The following RBM47 variants were observed in gnomAD, a reference collection of about 807,000 sequenced individuals.
RBM47 encodes the protein RNA-binding protein 47.
A neutral mutation model predicts 47.1 loss-of-function variants in RBM47; 21 were observed. The ratio of observed to expected loss-of-function variants is 0.45; its 90% CI spans 0.32 to 0.64. RBM47 has a LOEUF of 0.64. RBM47 is among the 30% of genes least tolerant of loss of function. The pLI, the probability that RBM47 is intolerant of heterozygous loss-of-function variation, is 0.05. For missense variants in RBM47, 708 were observed against 870.9 expected, an observed-to-expected ratio of 0.81 and a Z score of 2.35; for synonymous variants, 375 against 361.7, an observed-to-expected ratio of 1.04 and a Z score of -0.42.
At chr4:40,444,669 G>GT (rs773605501) in intron 3 of RBM47, among the ~76,000 whole-genome samples, 3,461 of 139,404 alleles carry the variant, frequency 0.025, 43 homozygotes, top group African/African-American at 0.04. Context: ...AATTCTAACT[G>GT]TTTTTTTTTT....
intron 1 of RBM47, among the ~76,000 whole-genome samples, chr4:40,594,920 T>TA (rs1442921528): frequency 3.3e-5 from 5 of 152,200 alleles, no homozygotes; most frequent in African/African-American, 1.2e-4. Flanking sequence ...GAAGACTGAG[T>TA]ATTACTGTAT....
At chr4:40,507,100 G>A (rs1553892712) in intron 2 of RBM47, among the ~76,000 whole-genome samples, 1 of 151,814 alleles carries the variant, frequency 6.6e-6, no homozygotes, top group Non-Finnish European at 1.5e-5. Context: ...GGGATCAAAG[G>A]CATGCGCCAC....
intron 2 of RBM47, among the ~76,000 whole-genome samples, chr4:40,505,151 C>A (rs1204968153): frequency 2.0e-5 from 3 of 152,080 alleles, no homozygotes; most frequent in Admixed American, 6.6e-5. Flanking sequence ...AATTGCACCA[C>A]TGCATTCCAG....
chr4:40,557,784 GTA>G, intron 1 of RBM47, among the ~76,000 whole-genome samples: 1 of 152,222 alleles, frequency 6.6e-6, no homozygotes, highest in East Asian at 1.9e-4. Flanking sequence ...GAATGCATGA[GTA>G]TAGAATTTTA....
intron 1 of RBM47, among the ~76,000 whole-genome samples, chr4:40,550,709 G>A (rs1432825784): frequency 2.0e-5 from 3 of 152,034 alleles, no homozygotes; most frequent in African/African-American, 7.2e-5. Context: ...GTGAGCCACC[G>A]CGCCTGGCCC....
chr4:40,560,837 G>C (rs1225351414), intron 1 of RBM47, among the ~76,000 whole-genome samples: 2 of 152,004 alleles, frequency 1.3e-5, no homozygotes, highest in East Asian at 1.9e-4. Context: ...ATGGTGGCAG[G>C]CGCCTGTAAT....
chr4:40,430,254 A>C (rs989737114), intron 6 of RBM47, among the ~76,000 whole-genome samples: 4 of 152,168 alleles, frequency 2.6e-5, no homozygotes, highest in South Asian at 2.1e-4. Flanking sequence ...ACAAACAAAA[A>C]AAAAACCCTG....
chr4:40,547,331 C>A (rs769961677), intron 1 of RBM47, among the ~76,000 whole-genome samples: 2 of 152,122 alleles, frequency 1.3e-5, no homozygotes, highest in Non-Finnish European at 2.9e-5. Context: ...CGGGGATGGG[C>A]CCTAATGCAA....
rs10597715 is a variant in RBM47 at position 40,495,834 on chromosome 4, G to GCT, written c.-154-29137_-154-29136dup. Among the ~76,000 whole-genome samples the GCT allele has an allele frequency of 1.1e-4, 17 of 151,376 alleles. 1 individual carries two copies. The highest frequency in any genetic ancestry group is 3.4e-3 in the Middle Eastern group (1 of 290). ...TCTGAAAAGTGGTCACATTGTGCGC[G>GCT]CTCTCTCTCTCTCTCTTTCCTCTGT... On this transcript the variant is annotated intron_variant, in intron 2 of 6. Transcript: ENST00000295971.
At chr4:40,496,685 T>A (rs1722640414) in intron 2 of RBM47, among the ~76,000 whole-genome samples, 1 of 152,156 alleles carries the variant, frequency 6.6e-6, no homozygotes, top group Non-Finnish European at 1.5e-5. Flanking sequence ...ACATGCGTAA[T>A]CTCTAATCTT....
chr4:40,558,524 CAAAA>C (rs1198741417), intron 1 of RBM47, among the ~76,000 whole-genome samples: 99 of 92,636 alleles, frequency 1.1e-3, no homozygotes, highest in African/African-American at 3.2e-3. Context: ...ATTAAAACTA[CAAAA>C]AAAAAAAAAA....
intron 1 of RBM47, among the ~76,000 whole-genome samples, chr4:40,571,647 C>T (rs35320617): frequency 3.3e-5 from 5 of 151,728 alleles, no homozygotes; most frequent in Admixed American, 6.6e-5. Context: ...GAGGAGGGTG[C>T]GGGATAAAAG....
rs375122371 is a variant in RBM47 at position 40,618,679 on chromosome 4, C to T, written c.-240+10717G>A. ...CAAAAATAAGCCAGGCATGGTGGCG[C>T]GCGCCTGTAATCCCAGCTACTCGGG... On this transcript the variant is annotated intron_variant, in intron 1 of 6. Coordinates refer to ENST00000295971, the MANE Select transcript of RBM47 (RefSeq NM_001098634.2). Among the ~76,000 whole-genome samples the T allele has an allele frequency of 1.5e-4, 23 of 150,674 alleles. No homozygotes were observed. The South Asian group carries it at 4.0e-3, about 26-fold the overall frequency.
At chr4:40,585,545 T>A (rs1323497914) in intron 1 of RBM47, among the ~76,000 whole-genome samples, 1 of 149,362 alleles carries the variant, frequency 6.7e-6, no homozygotes. Context: ...GTTATAGGCC[T>A]ATTGCCTCAT....
intron 2 of RBM47, among the ~76,000 whole-genome samples, chr4:40,522,491 C>G (rs1319639567): frequency 6.6e-6 from 1 of 152,084 alleles, no homozygotes; most frequent in East Asian, 1.9e-4. Context: ...GGCAACAGAG[C>G]AAGACTCCAT....
chr4:40,449,083 G>A (rs1053685091), intron 3 of RBM47, among the ~76,000 whole-genome samples: 3 of 152,212 alleles, frequency 2.0e-5, no homozygotes, highest in Admixed American at 1.3e-4. Flanking sequence ...CAGGCCCCTG[G>A]CACCAGGATG....
At chr4:40,461,300 G>T (rs1717112148) in intron 3 of RBM47, among the ~76,000 whole-genome samples, 1 of 152,154 alleles carries the variant, frequency 6.6e-6, no homozygotes, top group African/African-American at 2.4e-5. Context: ...GCCCAGATTT[G>T]AGCTAATCAT....
At chr4:40,460,307 A>G (rs1322128303) in intron 3 of RBM47, among the ~76,000 whole-genome samples, 1 of 151,944 alleles carries the variant, frequency 6.6e-6, no homozygotes, top group Admixed American at 6.6e-5. Flanking sequence ...TTTATGCCAC[A>G]AGGAAATAGG....
chr4:40,464,629 G>A (rs1240992986), intron 3 of RBM47, among the ~76,000 whole-genome samples: 2 of 151,958 alleles, frequency 1.3e-5, no homozygotes, highest in Non-Finnish European at 2.9e-5. Flanking sequence ...GCCAGGCATG[G>A]TGGCTCACGC....
Sources: gnomAD v4.1 joint callset for allele counts (sites outside exome capture counted in the v4.1 genomes callset) on GRCh38, gnomAD v4.1.1 for gene constraint, MANE v1.5 for transcripts, NCBI Gene and HGNC (gene_info 2026-07-23, HGNC 2026-07-21) for gene names.